Variants in MMP25 observed in about 807,000 individuals in gnomAD.
MMP25 encodes the protein matrix metallopeptidase 25, also known as matrix metalloproteinase-25.
In MMP25, 68 loss-of-function variants were observed where a neutral mutation model predicts 62.1. That is an observed-to-expected ratio of 1.10 (90% CI 0.90 to 1.34). MMP25 has a LOEUF of 1.34. MMP25 is among the 40% of genes most tolerant of loss of function. The probability of loss-of-function intolerance (pLI) is 0.00; values close to 1 mark genes in which losing one functional copy is unlikely to be tolerated. For missense variants in MMP25, 942 were observed against 792.5 expected (o/e 1.19, Z -2.26); for synonymous variants, 407 against 345.6 (o/e 1.18, Z -1.97).
chr16:3,057,090 G>T lies in MMP25; in HGVS notation c.719G>T (p.Gly240Val), dbSNP rs770091728. The change falls in exon 5 of 10, where the codon GGC becomes GTC. Residue 240 changes from glycine to valine, a missense_variant. Coordinates refer to ENST00000336577, the MANE Select transcript of MMP25 (RefSeq NM_022468.5). ...VAVHEFGHAL[G>V]LGHSSAPNSI... ...GTCCATGAGTTTGGCCACGCCCTGG[G>T]CCTGGGCCACTCCTCAGCCCCCAAC... is the stretch of plus-strand genomic sequence containing the variant. 4 of 1,612,094 alleles carry T rather than the reference G, an allele frequency of 2.5e-6. No homozygotes were observed. Among genetic ancestry groups the T allele is most frequent in the Non-Finnish European group, 3.4e-6 (4 of 1,179,086 alleles).
Position 3,047,024 on chromosome 16 carries a change from C to A in MMP25, c.99+8C>A. ...GACGTGAGCCTGGGCGTGGTGAGCG[C>A]GGGGTCCGCAGGCTCCTGGGGTCTG... On this transcript the variant is annotated splice_region_variant and intron_variant, in intron 1 of 9. Coordinates refer to ENST00000336577, the MANE Select transcript of MMP25 (RefSeq NM_022468.5). The A allele has an allele frequency of 7.0e-7, 1 of 1,434,068 alleles. No homozygotes were observed. Among genetic ancestry groups the A allele is most frequent in the Non-Finnish European group, 9.1e-7 (1 of 1,101,528 alleles). 88.8% of individuals were successfully genotyped at this position (1,434,068 alleles called of 1,614,324 possible).
intron 1 of MMP25, 116 bp from the exon 2 acceptor site, chr16:3,047,299 G>C: frequency 6.9e-7 from 1 of 1,458,532 alleles, no homozygotes; most frequent in Admixed American, 2.3e-5. Flanking sequence ...GGCATCCGGG[G>C]CTGGGGCCCT....
rs1955831233 is a variant in MMP25 at position 3,047,023 on chromosome 16, G to A, written c.99+7G>A. 2.1e-6 allele frequency: 3 copies of A among 1,434,216 alleles called. No homozygotes were observed. Among genetic ancestry groups the A allele is most frequent in the South Asian group, 1.4e-5 (1 of 71,372 alleles). 88.8% of individuals were successfully genotyped at this position (1,434,216 alleles called of 1,614,324 possible). A position where few individuals can be genotyped will look rare whatever the true frequency, so the allele number is the denominator to read the frequency against. ...GGACGTGAGCCTGGGCGTGGTGAGC[G>A]CGGGGTCCGCAGGCTCCTGGGGTCT... On this transcript the variant is annotated splice_region_variant and intron_variant, in intron 1 of 9. Transcript: ENST00000336577.
intron 2 of MMP25, among the ~76,000 whole-genome samples, chr16:3,049,510 G>A (rs1369891693): frequency 6.6e-6 from 1 of 152,188 alleles, no homozygotes; most frequent in African/African-American, 2.4e-5. Context: ...TGGGAAAGGG[G>A]ACCCCAGAGA....
chr16:3,058,658 T>C lies in MMP25; in HGVS notation c.1406T>C (p.Val469Ala), dbSNP rs763183526. 1 of 1,599,482 alleles carries C rather than the reference T, an allele frequency of 6.3e-7. No individual in the cohort carries two copies. The highest frequency in any genetic ancestry group is 8.5e-7 in the Non-Finnish European group (1 of 1,172,810). Residue 469 changes from valine to alanine, a missense_variant, in exon 9 of 10, where the codon GTC becomes GCC. Physicochemically the swap from Val to Ala is moderately conservative, Grantham distance 64 (BLOSUM62 0). Coordinates refer to ENST00000336577, the MANE Select transcript of MMP25 (RefSeq NM_022468.5). ...GAPPSPDDVT[V>A]SNAGDTYFFK... ...CCCCCCTCCCCTGACGATGTCACCG[T>C]CAGCAACGCAGGTGGGGAGCGCGGT...
chr16:3,057,284 A>C, intron 5 of MMP25, 26 bp from the exon 6 acceptor site: 2 of 1,613,948 alleles, frequency 1.2e-6, no homozygotes, highest in Non-Finnish European at 1.7e-6. Flanking sequence ...CAGGGGACGC[A>C]CACCTGCCTG....
chr16:3,049,281 G>A (rs6500895), intron 2 of MMP25, among the ~76,000 whole-genome samples: 2,667 of 152,160 alleles, frequency 0.018, 77 homozygotes, highest in African/African-American at 0.058. Flanking sequence ...AGGCAGGGCC[G>A]AGGAACTCTT....
At position 3,060,056 on chromosome 16, in the gene MMP25, C is replaced by G. The variant is rs1956087543; in HGVS notation, c.*958C>G. The G allele has an allele frequency of 6.6e-6, 1 of 152,308 alleles. No homozygotes were observed. Among genetic ancestry groups the G allele is most frequent in the African/African-American group, 2.4e-5 (1 of 41,410 alleles). The allele number at this position is 152,308 out of a possible 1,614,324, so 9.4% of individuals were successfully genotyped here. ...ACAGGGACCGAACCCTGGCTCAGGC[C>G]TGGTCATTGCCTCCTCAGCACTCCC... On this transcript the variant is annotated 3_prime_UTR_variant, in exon 10 of 10. Transcript: ENST00000336577.
chr16:3,048,020 G>C (rs943470321), intron 2 of MMP25, among the ~76,000 whole-genome samples: 2 of 152,090 alleles, frequency 1.3e-5, no homozygotes, highest in Admixed American at 6.6e-5. Context: ...TGTATTTTTA[G>C]TAGAGACGGG....
rs761124185 is a variant in MMP25, at chr16:3,055,991, C to A, written c.662-1042C>A. The A allele has an allele frequency of 1.8e-5, 8 of 453,874 alleles. No homozygotes were observed. In the East Asian group the frequency reaches 5.6e-4, roughly 32 times the overall value. 28.1% of individuals were successfully genotyped at this position (453,874 alleles called of 1,614,324 possible). On this transcript the variant is annotated intron_variant, in intron 4 of 9. Coordinates refer to ENST00000336577, the MANE Select transcript of MMP25 (RefSeq NM_022468.5). ...CTGGGAGCAAGGCCGGGTGCTGGGG[C>A]CGGCAGGCTGTGTTCTGAGAGTGCC...
intron 6 of MMP25, 52 bp downstream of exon 6, chr16:3,057,446 G>A (rs1162646344): frequency 1.2e-6 from 2 of 1,600,120 alleles, no homozygotes; most frequent in South Asian, 2.2e-5. Flanking sequence ...CCCAGCCTCA[G>A]TGTCCTCTGA....
chr16:3,047,321 G>A (rs1955834695), intron 1 of MMP25, 94 bp from the exon 2 acceptor site: 1 of 1,510,412 alleles, frequency 6.6e-7, no homozygotes, highest in Non-Finnish European at 8.9e-7. Context: ...GGCTCTGGGT[G>A]CCTGGGAGGG....
rs146181243 is a variant in MMP25, at chr16:3,050,090, G to A, written c.314G>A (p.Arg105His). Residue 105 changes from arginine to histidine, a missense_variant, in exon 3 of 10, where the codon CGT becomes CAT. Transcript: ENST00000336577. ...GGGGTGGCGGGGCTGGTCAGGCGGC[G>A]TCGCCGGTACGCTCTGAGCGGCAGC... The part of the protein sequence containing the change: ...VLGVAGLVRR[R>H]RRYALSGSVW... The A allele has an allele frequency of 7.4e-6, 12 of 1,611,410 alleles. No homozygotes were observed. The highest frequency in any genetic ancestry group is 2.2e-5 in the East Asian group (1 of 44,878).
chr16:3,058,415 C>A lies in MMP25; in HGVS notation c.1163C>A (p.Pro388His). 6.4e-7 allele frequency: 1 copy of A among 1,555,758 alleles called. No individual in the cohort carries two copies. The highest frequency in any genetic ancestry group is 8.7e-7 in the Non-Finnish European group (1 of 1,150,688). ...CCTCCCGGCCTCCACCCTGCAGGGC[C>A]CCAGTTCTGGGTGTTCCAGGACCGG... ...RDGRILLFSGPQFWVFQDRQL... is the reference protein window; with the variant it reads ...RDGRILLFSGHQFWVFQDRQL... The change falls in exon 9 of 10, where the codon CCC becomes CAC. Residue 388 changes from proline to histidine, a missense_variant. Transcript: ENST00000336577.
chr16:3,058,937 G>A lies in MMP25; in HGVS notation c.1528G>A (p.Ala510Thr). 16 of 1,539,952 alleles carry A rather than the reference G, an allele frequency of 1.0e-5. No individual in the cohort carries two copies. Among genetic ancestry groups the A allele is most frequent in the Non-Finnish European group, 1.4e-5 (16 of 1,141,286 alleles). The change falls in exon 10 of 10, where the codon GCC (alanine) becomes ACC (threonine). Residue 510 changes from alanine (A) to threonine (T), a missense_variant. Coordinates refer to ENST00000336577, the MANE Select transcript of MMP25 (RefSeq NM_022468.5). The part of the protein sequence containing the change: ...PMGPNWLDCP[A>T]PSSGPRAPRP... ...GGGGCCCAACTGGCTGGACTGCCCCGCCCCGAGCTCTGGTCCCCGCGCCCC... is the reference window on the plus strand; with the variant it reads ...GGGGCCCAACTGGCTGGACTGCCCCACCCCGAGCTCTGGTCCCCGCGCCCC...
At chr16:3,057,781 C>T in intron 7 of MMP25, 168 bp downstream of exon 7, 2 of 666,252 alleles carry the variant, frequency 3.0e-6, no homozygotes, top group Non-Finnish European at 5.3e-6. Context: ...TCACTGCAGC[C>T]TCAAAATACT....
At position 3,058,431 on chromosome 16, in the gene MMP25, C is replaced by A; in HGVS notation, c.1179C>A (p.Phe393Leu). 1 of 1,577,242 alleles carries A rather than the reference C, an allele frequency of 6.3e-7. No individual in the cohort carries two copies. Among genetic ancestry groups the A allele is most frequent in the Non-Finnish European group, 8.6e-7 (1 of 1,161,824 alleles). The change falls in exon 9 of 10, where the codon TTC (phenylalanine) becomes TTA (leucine). Residue 393 changes from phenylalanine (F) to leucine (L), a missense_variant. Phe to Leu is a conservative substitution (Grantham distance 22). Transcript: ENST00000336577. Reference protein sequence around the residue: ...LLFSGPQFWVFQDRQLEGGAR... With the variant: ...LLFSGPQFWVLQDRQLEGGAR... ...CTGCAGGGCCCCAGTTCTGGGTGTTCCAGGACCGGCAGCTGGAGGGCGGGG... is the reference window on the plus strand; with the variant it reads ...CTGCAGGGCCCCAGTTCTGGGTGTTACAGGACCGGCAGCTGGAGGGCGGGG...
At position 3,057,320 on chromosome 16, in the gene MMP25, C is replaced by A; in HGVS notation, c.849C>A (p.Pro283=). 1 of 1,614,068 alleles carries A rather than the reference C, an allele frequency of 6.2e-7. No individual in the cohort carries two copies. The highest frequency in any genetic ancestry group is 1.3e-5 in the African/African-American group (1 of 75,006). ...ACTCTTTCCTCACAGGGAAGGCGCCCCAAACCCCATATGACAAGCCCACAA... is the reference window on the plus strand; with the variant it reads ...ACTCTTTCCTCACAGGGAAGGCGCCACAAACCCCATATGACAAGCCCACAA... ...DGLQQLYGKA[P]QTPYDKPTRK... is the part of the protein sequence containing the mutation. The change falls in exon 6 of 10, where the codon CCC becomes CCA. Residue 283 remains proline, a synonymous_variant. Transcript: ENST00000336577.
intron 9 of MMP25, 22 bp from the exon 10 acceptor site, chr16:3,058,805 G>A (rs1389121767): frequency 1.3e-6 from 2 of 1,500,244 alleles, no homozygotes; most frequent in Non-Finnish European, 1.8e-6. Context: ...GAGGGACCGG[G>A]ACTCAAGCTC....
Sources: allele counts gnomAD v4.1 joint callset (sites outside exome capture counted in the v4.1 genomes callset), GRCh38; gene constraint gnomAD v4.1.1; transcripts MANE v1.5; gene names NCBI Gene and HGNC (gene_info 2026-07-23, HGNC 2026-07-21).